Variants in PEMT observed in about 807,000 individuals in gnomAD.
PEMT encodes the protein phosphatidylethanolamine N-methyltransferase, also known as phospholipid methyltransferase.
PEMT carries 23 observed loss-of-function variants against 27.4 expected under a neutral mutation model. That is an observed-to-expected ratio of 0.84 (90% confidence interval 0.60 to 1.19). PEMT has a LOEUF of 1.19. Among genes scored for constraint, PEMT ranks in the 50% most tolerant of loss-of-function variants. The pLI, the probability that PEMT is intolerant of heterozygous loss-of-function variation, is 0.00. For synonymous variants in PEMT, 137 were observed against 139.1 expected (o/e 0.98, Z 0.11); for missense variants, 307 against 310.1 (o/e 0.99, Z 0.07).
At position 17,522,386 on chromosome 17, in the gene PEMT, A is replaced by G. The variant is rs746009249; in HGVS notation, c.214T>C (p.Trp72Arg). ...CTCAGCTTGCGGGTCTTGTGTTCCC[A>G]TCGTGCAACCTAAACCGTGAGCAGA... is the stretch of plus-strand genomic sequence containing the variant. The part of the protein sequence containing the change: ...NPLYWNVVAR[W>R]EHKTRKLSRA... Residue 72 changes from tryptophan (W) to arginine (R), a missense_variant, in exon 3 of 7, where the codon TGG becomes CGG. Coordinates refer to ENST00000255389, the MANE Select transcript of PEMT (RefSeq NM_148172.3). The G allele has an allele frequency of 2.5e-6, 4 of 1,611,610 alleles. No individual in the cohort carries two copies. Among genetic ancestry groups the G allele is most frequent in the East Asian group, 2.2e-5 (1 of 44,816 alleles).
chr17:17,529,889 G>A (rs28652813), intron 2 of PEMT, among the ~76,000 whole-genome samples: 215 of 152,262 alleles, frequency 1.4e-3, no homozygotes, highest in African/African-American at 5.1e-3. Context: ...CTGCGCTACA[G>A]CCCCACCCTG....
At chr17:17,526,759 C>T (rs1488643171) in intron 2 of PEMT, among the ~76,000 whole-genome samples, 1 of 152,254 alleles carries the variant, frequency 6.6e-6, no homozygotes, top group Non-Finnish European at 1.5e-5. Context: ...TTGTAACTGG[C>T]AGCCCAAGAT....
intron 3 of PEMT, among the ~76,000 whole-genome samples, chr17:17,521,714 G>GCACCAC (rs1555537904): frequency 6.6e-6 from 1 of 152,134 alleles, no homozygotes; most frequent in Non-Finnish European, 1.5e-5. Flanking sequence ...ACAGGCGCAT[G>GCACCAC]CACCACCATG....
chr17:17,580,125 AAAGCTTCTAG>A (rs1227601130), intron 1 of PEMT, among the ~76,000 whole-genome samples: 1 of 152,256 alleles, frequency 6.6e-6, no homozygotes, highest in Admixed American at 6.5e-5. Context: ...ATGCAGCCCC[AAAGCTTCTAG>A]AACCTGGGGC....
chr17:17,591,842 G>T, upstream of PEMT: 17 of 1,378,676 alleles, frequency 1.2e-5, no homozygotes, highest in Non-Finnish European at 1.6e-5. Flanking sequence ...AGAACTACAA[G>T]TCCCAGTGTG....
intron 2 of PEMT, among the ~76,000 whole-genome samples, chr17:17,545,343 C>A (rs1909183570): frequency 6.6e-6 from 1 of 152,250 alleles, no homozygotes; most frequent in South Asian, 2.1e-4. Context: ...AGGTCACATG[C>A]CCCATGGTCT....
chr17:17,526,391 C>G (rs986628786), intron 2 of PEMT, among the ~76,000 whole-genome samples: 1 of 152,202 alleles, frequency 6.6e-6, no homozygotes, highest in Non-Finnish European at 1.5e-5. Context: ...CTGCCCGCTA[C>G]CTAAACTGAG....
chr17:17,586,208 AAGAAAGAAAAAGAAAGAAAGAAAGAAAG>A, intron 1 of PEMT, among the ~76,000 whole-genome samples: 1 of 141,720 alleles, frequency 7.1e-6, no homozygotes, highest in African/African-American at 2.9e-5. Context: ...GAAAGAAAGA[AAGAAAGAAAAAGAAAGAAAGAAAGAAAG>A]AAAGAAAGAA....
At chr17:17,518,434 C>T (rs976117100) in intron 3 of PEMT, among the ~76,000 whole-genome samples, 4 of 152,226 alleles carry the variant, frequency 2.6e-5, no homozygotes, top group African/African-American at 9.7e-5. Flanking sequence ...GCCTTCCTCC[C>T]CATTCACACT....
chr17:17,552,418 A>C (rs984772353), intron 2 of PEMT, among the ~76,000 whole-genome samples: 7 of 152,042 alleles, frequency 4.6e-5, no homozygotes, highest in Non-Finnish European at 8.8e-5. Context: ...TGGGATTCTC[A>C]TGTCTAATAA....
At position 17,553,502 on chromosome 17, in the gene PEMT, T is replaced by A. The variant is rs552691460; in HGVS notation, c.204+23418A>T. Among the ~76,000 whole-genome samples the A allele has an allele frequency of 1.9e-3, 282 of 152,290 alleles. 1 individual carries two copies. Among genetic ancestry groups the A allele is most frequent in the Middle Eastern group, 3.4e-3 (1 of 294 alleles). ...TGCTTGTGGTGCCACTGTCCCAGAA[T>A]GACCCCTCACATGAAATTGTGCTCC... is the stretch of plus-strand genomic sequence containing the variant. On this transcript the variant is annotated intron_variant, in intron 2 of 6. Coordinates refer to ENST00000255389, the MANE Select transcript of PEMT (RefSeq NM_148172.3).
chr17:17,527,185 G>A (rs1040702961), intron 2 of PEMT, among the ~76,000 whole-genome samples: 2 of 152,104 alleles, frequency 1.3e-5, no homozygotes, highest in African/African-American at 4.8e-5. Flanking sequence ...TTACACGCAT[G>A]CGCCACCATG....
rs555707711 is a variant in PEMT, at chr17:17,513,141, T to C, written c.321-487A>G. Reference sequence around the variant, plus strand: ...CAGTGCCCCGAGGCCTGGGGCATGCTCTGTGCTAGGGATTGCGCTTCCACA... The same window carrying C: ...CAGTGCCCCGAGGCCTGGGGCATGCCCTGTGCTAGGGATTGCGCTTCCACA... On this transcript the variant is annotated intron_variant, in intron 3 of 6. Transcript: ENST00000255389. This position sits in a 1 kb window ranked among gnomAD's most constrained non-coding sequence, Gnocchi z 4.1. Among the ~76,000 whole-genome samples, 1 of 152,326 alleles carries C rather than the reference T, an allele frequency of 6.6e-6. No homozygotes were observed. The highest frequency in any genetic ancestry group is 1.9e-4 in the East Asian group (1 of 5,174).
chr17:17,517,901 C>A, intron 3 of PEMT: 4 of 865,436 alleles, frequency 4.6e-6, no homozygotes, highest in Non-Finnish European at 5.6e-6. Context: ...TCCGCCTGCA[C>A]CCCACCCACC....
intron 2 of PEMT, among the ~76,000 whole-genome samples, chr17:17,559,093 C>A (rs558575330): frequency 1.3e-5 from 2 of 152,204 alleles, no homozygotes; most frequent in African/African-American, 4.8e-5. Context: ...ACGCTCCCCC[C>A]CATTTTTACA....
At chr17:17,588,687 C>T (rs1355560560) in intron 1 of PEMT, among the ~76,000 whole-genome samples, 1 of 152,188 alleles carries the variant, frequency 6.6e-6, no homozygotes, top group Non-Finnish European at 1.5e-5. Flanking sequence ...CTGAGGACCT[C>T]AGTGTGCTCT....
At chr17:17,585,218 A>G (rs888806109) in intron 1 of PEMT, among the ~76,000 whole-genome samples, 1 of 152,144 alleles carries the variant, frequency 6.6e-6, no homozygotes, top group Non-Finnish European at 1.5e-5. Flanking sequence ...GGCGCCTGTA[A>G]TCCCAGCTAC....
chr17:17,561,284 G>A lies in PEMT; in HGVS notation c.204+15636C>T, dbSNP rs546241408. ...ACGACCCAGGAGGTGGAACCTACAGGTAACCCTCTTTCACAGTTAAGAACG... is the reference window on the plus strand; with the variant it reads ...ACGACCCAGGAGGTGGAACCTACAGATAACCCTCTTTCACAGTTAAGAACG... On this transcript the variant is annotated intron_variant, in intron 2 of 6. Transcript: ENST00000255389. This position sits in a 1 kb window ranked among gnomAD's most constrained non-coding sequence, Gnocchi z 4.5. Among the ~76,000 whole-genome samples, 3 of 152,300 alleles carry A rather than the reference G, an allele frequency of 2.0e-5. No homozygotes were observed. Among genetic ancestry groups the A allele is most frequent in the Admixed American group, 6.5e-5 (1 of 15,302 alleles).
chr17:17,517,947 G>A (rs974284984), intron 3 of PEMT: 1 of 984,640 alleles, frequency 1.0e-6, no homozygotes, highest in Admixed American at 6.1e-5. Flanking sequence ...GCCCCTCCAG[G>A]TGCCTCCTAG....
Sources: allele counts gnomAD v4.1 joint callset (sites outside exome capture counted in the v4.1 genomes callset), GRCh38; gene constraint gnomAD v4.1.1; non-coding constraint Gnocchi (gnomAD v3.1); transcripts MANE v1.5; gene names NCBI Gene and HGNC (gene_info 2026-07-23, HGNC 2026-07-21).